Variants in NIPSNAP2 observed in about 807,000 individuals in gnomAD.
NIPSNAP2 encodes nipsnap homolog 2, also known as protein NipSnap homolog 2.
A neutral mutation model predicts 48.4 loss-of-function variants in NIPSNAP2; 42 were observed. That is an observed-to-expected ratio of 0.87 (90% CI 0.68 to 1.12). NIPSNAP2 has a LOEUF of 1.12. Ranked by LOEUF, NIPSNAP2 falls within the 50% of genes most tolerant of loss-of-function variation. NIPSNAP2 has a pLI of 0.00. For synonymous variants in NIPSNAP2, 158 were observed against 126.6 expected, an observed-to-expected ratio of 1.25 and a Z score of -1.67; for missense variants, 314 against 347.3, an observed-to-expected ratio of 0.90 and a Z score of 0.76.
intron 9 of NIPSNAP2, among the ~76,000 whole-genome samples, chr7:55,998,426 C>A (rs1787610358): frequency 6.6e-6 from 1 of 150,574 alleles, no homozygotes; most frequent in African/African-American, 2.4e-5. Flanking sequence ...TGAGAAATCA[C>A]CATTTCTCCT....
chr7:55,996,198 A>G (rs1211484715), intron 8 of NIPSNAP2, among the ~76,000 whole-genome samples: 2 of 151,554 alleles, frequency 1.3e-5, no homozygotes, highest in Non-Finnish European at 2.9e-5. Flanking sequence ...AGGCAGAAGA[A>G]TCGATTGAAC....
chr7:55,977,773 C>T (rs559473122), intron 1 of NIPSNAP2, among the ~76,000 whole-genome samples: 1 of 152,134 alleles, frequency 6.6e-6, no homozygotes, highest in East Asian at 1.9e-4. Flanking sequence ...AACTCCTTAC[C>T]CCAACCTCCC....
chr7:55,989,515 A>C (rs992078052), intron 7 of NIPSNAP2, among the ~76,000 whole-genome samples: 2 of 151,858 alleles, frequency 1.3e-5, no homozygotes, highest in African/African-American at 4.8e-5. Flanking sequence ...AGTCCCAGCT[A>C]CTCTGGAGGC....
rs1786902148 is a variant in NIPSNAP2 at position 55,966,695 on chromosome 7, T to C, written c.92+1994T>C. On this transcript the variant is annotated intron_variant, in intron 1 of 9. Transcript: ENST00000322090. ...TACTTGGTAGGCTGAGGTGGGAGTATGGCTTGAACCTGGGAGGTGGAGGTT... is the reference window on the plus strand; with the variant it reads ...TACTTGGTAGGCTGAGGTGGGAGTACGGCTTGAACCTGGGAGGTGGAGGTT... Among the ~76,000 whole-genome samples the C allele has an allele frequency of 2.6e-5, 4 of 152,294 alleles. No individual in the cohort carries two copies. The South Asian group carries it at 8.3e-4, about 32-fold the overall frequency.
chr7:55,968,162 C>T (rs1450345717), intron 1 of NIPSNAP2, among the ~76,000 whole-genome samples: 1 of 152,122 alleles, frequency 6.6e-6, no homozygotes, highest in Non-Finnish European at 1.5e-5. Flanking sequence ...TGACTGGTTC[C>T]TAATCCCTCC....
At chr7:55,967,299 C>A (rs908609489) in intron 1 of NIPSNAP2, among the ~76,000 whole-genome samples, 5 of 152,232 alleles carry the variant, frequency 3.3e-5, no homozygotes, top group African/African-American at 9.6e-5. Context: ...CCAAGCCCAT[C>A]CCTCTTTTTC....
chr7:55,989,031 C>G (rs1170229597), intron 7 of NIPSNAP2, among the ~76,000 whole-genome samples: 1 of 152,042 alleles, frequency 6.6e-6, no homozygotes, highest in Non-Finnish European at 1.5e-5. Flanking sequence ...AGTTAGAAAG[C>G]AAACATCCAT....
intron 3 of NIPSNAP2, 122 bp from the exon 4 acceptor site, chr7:55,981,351 G>A (rs1787212137): frequency 1.5e-6 from 1 of 688,092 alleles, no homozygotes; most frequent in Non-Finnish European, 2.6e-6. Flanking sequence ...TTATCATGAT[G>A]TTCTAAGGTC....
intron 7 of NIPSNAP2, among the ~76,000 whole-genome samples, chr7:55,986,361 T>G (rs1343430655): frequency 1.3e-5 from 2 of 151,462 alleles, no homozygotes; most frequent in African/African-American, 4.9e-5. Context: ...AGACCCTGTC[T>G]CAAAAAAATA....
In NIPSNAP2 at chr7:55,981,456, T is replaced by G; in HGVS notation, c.279-17T>G. On this transcript the variant is annotated splice_polypyrimidine_tract_variant and intron_variant, in intron 3 of 9. Coordinates refer to ENST00000322090, the MANE Select transcript of NIPSNAP2 (RefSeq NM_001483.3). ...TTGCTGGTTGTTTAATTAGTGTTGC[T>G]GTTTCTTCTCTTTAAGTCAAGAGGT... 1.3e-6 allele frequency: 2 copies of G among 1,599,228 alleles called. No homozygotes were observed. The highest frequency in any genetic ancestry group is 1.7e-6 in the Non-Finnish European group (2 of 1,167,420).
chr7:55,979,936 G>A (rs1271396293), intron 3 of NIPSNAP2: 4 of 444,842 alleles, frequency 9.0e-6, no homozygotes, highest in South Asian at 4.7e-5. Context: ...GCAAAGAGGA[G>A]TGGCTACAAA....
chr7:55,975,964 G>A (rs1377295063), intron 1 of NIPSNAP2, among the ~76,000 whole-genome samples: 1 of 152,214 alleles, frequency 6.6e-6, no homozygotes, highest in East Asian at 1.9e-4. Context: ...TTGAACCTGG[G>A]AGGTGGAGGT....
At chr7:55,974,707 G>T (rs913306890) in intron 1 of NIPSNAP2, among the ~76,000 whole-genome samples, 3 of 152,002 alleles carry the variant, frequency 2.0e-5, no homozygotes, top group Non-Finnish European at 2.9e-5. Flanking sequence ...AATTAGCCGG[G>T]TGTGGCGGCG....
chr7:55,976,240 G>C (rs1435368091), intron 1 of NIPSNAP2, among the ~76,000 whole-genome samples: 1 of 152,186 alleles, frequency 6.6e-6, no homozygotes. Flanking sequence ...TTATCTTGGA[G>C]ATGTCAGCAC....
At chr7:55,985,576 C>G (rs1004152697) in intron 7 of NIPSNAP2, among the ~76,000 whole-genome samples, 1 of 151,466 alleles carries the variant, frequency 6.6e-6, no homozygotes, top group Non-Finnish European at 1.5e-5. Flanking sequence ...CAACCTCTAC[C>G]AAAATAAATA....
Position 55,983,977 on chromosome 7 carries a change from C to T in NIPSNAP2, c.585+109C>T, listed in dbSNP as rs1584345997. The T allele has an allele frequency of 1.1e-5, 5 of 458,968 alleles. No individual in the cohort carries two copies. The East Asian group carries it at 1.6e-4, about 14-fold the overall frequency. 28.4% of individuals were successfully genotyped at this position (458,968 alleles called of 1,614,324 possible). On this transcript the variant is annotated intron_variant, in intron 6 of 9. Coordinates refer to ENST00000322090, the MANE Select transcript of NIPSNAP2 (RefSeq NM_001483.3). ...TGTACATTCTGTGATGTATGTCTAG[C>T]ATTATATGTATATATATGTATTTTT... is the stretch of plus-strand genomic sequence containing the variant.
rs1164855630 is a variant in NIPSNAP2, at chr7:55,998,493, G to GTTTTTTTTTTTTTTT, written c.797-503_797-489dup. ...TAAAACAAATATCCAGGTAGGATCT[G>GTTTTTTTTTTTTTTT]TTTTTTTTTTTTTTTTTTTTTTTTT... On this transcript the variant is annotated intron_variant, in intron 9 of 9. Transcript: ENST00000322090. Among the ~76,000 whole-genome samples, 15 of 63,198 alleles carry GTTTTTTTTTTTTTTT rather than the reference G, an allele frequency of 2.4e-4. 1 individual carries two copies. The highest frequency in any genetic ancestry group is 6.8e-4 in the African/African-American group (12 of 17,550). 41.5% of individuals were successfully genotyped at this position (63,198 alleles called of 152,430 possible).
intron 7 of NIPSNAP2, among the ~76,000 whole-genome samples, chr7:55,987,792 C>T (rs954394905): frequency 5.9e-5 from 9 of 151,940 alleles, no homozygotes; most frequent in African/African-American, 2.2e-4. Context: ...AGGTGGTTGC[C>T]GGGAGCTGGG....
intron 1 of NIPSNAP2, among the ~76,000 whole-genome samples, chr7:55,970,545 C>T (rs1459424646): frequency 6.6e-6 from 1 of 152,058 alleles, no homozygotes; most frequent in East Asian, 1.9e-4. Flanking sequence ...TTCCTGACCC[C>T]AGATGATCCG....
Sources: gnomAD v4.1 joint callset for allele counts (sites outside exome capture counted in the v4.1 genomes callset) on GRCh38, gnomAD v4.1.1 for gene constraint, MANE v1.5 for transcripts, NCBI Gene and HGNC (gene_info 2026-07-23, HGNC 2026-07-21) for gene names.